Variants in SVOPL observed in about 807,000 individuals in gnomAD.
SVOPL encodes putative transporter SVOPL.
SVOPL carries 60 observed loss-of-function variants against 61.0 expected under a neutral mutation model. The observed-to-expected ratio is 0.98, with a 90% CI of 0.80 to 1.22. The LOEUF is 1.22. SVOPL is among the 50% of genes most tolerant of loss of function. The pLI, the probability that SVOPL is intolerant of heterozygous loss-of-function variation, is 0.00. For synonymous variants in SVOPL, 279 were observed against 250.0 expected (o/e 1.12, Z -1.09); for missense variants, 662 against 643.9 (o/e 1.03, Z -0.30).
In SVOPL at chr7:138,693,545, GAAAGAAA is replaced by G. The variant is rs1464366828; in HGVS notation, c.-35+7626_-35+7632del. On this transcript the variant is annotated intron_variant, in intron 1 of 15. Coordinates refer to ENST00000674285, the MANE Select transcript of SVOPL (RefSeq NM_001139456.2). Reference sequence around the variant, plus strand: ...AAAGAAAGAAAAAGAAAGAAAGAAAGAAAGAAAGAAAGAAAGAAAGAAAGAAAGAAAA... The same window carrying G: ...AAAGAAAGAAAAAGAAAGAAAGAAAGGAAAGAAAGAAAGAAAGAAAGAAAA... Among the ~76,000 whole-genome samples, 591 of 62,618 alleles carry G rather than the reference GAAAGAAA, an allele frequency of 9.4e-3. 6 individuals carry two copies. The highest frequency in any genetic ancestry group is 0.039 in the African/African-American group (557 of 14,194). The allele number at this position is 62,618 out of a possible 152,430, so 41.1% of individuals were successfully genotyped here.
intron 1 of SVOPL, among the ~76,000 whole-genome samples, chr7:138,679,678 C>G (rs954734899): frequency 2.0e-5 from 3 of 152,042 alleles, no homozygotes; most frequent in Non-Finnish European, 2.9e-5. Flanking sequence ...TAATGGCACC[C>G]AACTTTCAAG....
At chr7:138,609,281 G>A (rs79548760) in intron 14 of SVOPL, among the ~76,000 whole-genome samples, 2,766 of 152,138 alleles carry the variant, frequency 0.018, 90 homozygotes, top group African/African-American at 0.062. Flanking sequence ...AAATGAAAGC[G>A]AGCAGACCCC....
rs534808479 is a variant in SVOPL, at chr7:138,613,200, A to T, written c.1353+7846T>A. ...ACGCCTGGCTAATTTTTGTATTTTT[A>T]GTAGAGATGGGGTTTCACCATGTTG... is the stretch of plus-strand genomic sequence containing the variant. On this transcript the variant is annotated intron_variant, in intron 14 of 15. Coordinates refer to ENST00000674285, the MANE Select transcript of SVOPL (RefSeq NM_001139456.2). Among the ~76,000 whole-genome samples, 343 of 151,660 alleles carry T rather than the reference A, an allele frequency of 2.3e-3. 3 individuals are homozygous for T. The highest frequency in any genetic ancestry group is 8.2e-3 in the African/African-American group (339 of 41,344).
intron 8 of SVOPL, among the ~76,000 whole-genome samples, chr7:138,647,653 AG>A (rs1801185787): frequency 6.6e-6 from 1 of 151,970 alleles, no homozygotes; most frequent in South Asian, 2.1e-4. Flanking sequence ...GTTCAAGACC[AG>A]CCTGGCCAAC....
intron 13 of SVOPL, among the ~76,000 whole-genome samples, chr7:138,625,354 G>A (rs1799845983): frequency 6.6e-6 from 1 of 152,076 alleles, no homozygotes; most frequent in South Asian, 2.1e-4. Context: ...AGTATCTAAA[G>A]TACTGTTTCC....
At chr7:138,647,407 A>G (rs897623547) in intron 8 of SVOPL, among the ~76,000 whole-genome samples, 11 of 151,956 alleles carry the variant, frequency 7.2e-5, no homozygotes, top group Non-Finnish European at 2.9e-5. Flanking sequence ...AAAAAAGATG[A>G]CATGGCGAGA....
At chr7:138,626,742 A>T in intron 12 of SVOPL, among the ~76,000 whole-genome samples, 1 of 151,920 alleles carries the variant, frequency 6.6e-6, no homozygotes, top group Non-Finnish European at 1.5e-5. Context: ...GCTATTCAAG[A>T]GGCTGAGGCA....
At chr7:138,611,831 G>T (rs1245509140) in intron 14 of SVOPL, among the ~76,000 whole-genome samples, 1 of 60,048 alleles carries the variant, frequency 1.7e-5, no homozygotes, top group Non-Finnish European at 3.4e-5. Context: ...CCAGCCGCCT[G>T]CCTTGGCCTC....
At chr7:138,636,972 GTCATA>G (rs1301880226) in intron 9 of SVOPL, among the ~76,000 whole-genome samples, 1 of 152,026 alleles carries the variant, frequency 6.6e-6, no homozygotes. Context: ...TTAAAACAGT[GTCATA>G]TCATACCAAT....
intron 5 of SVOPL, chr7:138,662,345 T>C: frequency 1.0e-6 from 1 of 985,402 alleles, no homozygotes; most frequent in Non-Finnish European, 1.2e-6. Context: ...TTGTGGCCAG[T>C]TCCTGCTAGT....
chr7:138,662,418 C>CT, intron 5 of SVOPL: 2 of 985,446 alleles, frequency 2.0e-6, no homozygotes, highest in Non-Finnish European at 1.2e-6. Flanking sequence ...GACTTGCTCC[C>CT]TCCCAACCTA....
At chr7:138,634,702 C>A (rs1044500680) in intron 9 of SVOPL, among the ~76,000 whole-genome samples, 2 of 131,000 alleles carry the variant, frequency 1.5e-5, no homozygotes, top group Non-Finnish European at 3.3e-5. Flanking sequence ...GTGGCACATG[C>A]CTGCAATTCC....
chr7:138,639,165 G>T (rs1045109038), intron 9 of SVOPL, among the ~76,000 whole-genome samples: 4 of 152,174 alleles, frequency 2.6e-5, no homozygotes, highest in Non-Finnish European at 5.9e-5. Flanking sequence ...TGAGGCAGGA[G>T]AATTGCTTGA....
At chr7:138,596,750 C>T in intron 14 of SVOPL, 1 of 1,197,294 alleles carries the variant, frequency 8.4e-7, no homozygotes, top group Non-Finnish European at 1.0e-6. Flanking sequence ...CACGCATTGG[C>T]CAGGTAAGAC....
At chr7:138,684,648 T>C (rs914769277) in intron 1 of SVOPL, among the ~76,000 whole-genome samples, 1 of 152,180 alleles carries the variant, frequency 6.6e-6, no homozygotes, top group Non-Finnish European at 1.5e-5. Context: ...AAGGAACCCT[T>C]GTACACTGTT....
At chr7:138,629,256 A>C (rs536497011) in intron 10 of SVOPL, among the ~76,000 whole-genome samples, 1 of 144,712 alleles carries the variant, frequency 6.9e-6, no homozygotes, top group African/African-American at 2.6e-5. Flanking sequence ...TTTTTGAGAC[A>C]GTTTCATGCT....
intron 1 of SVOPL, among the ~76,000 whole-genome samples, chr7:138,686,354 C>T (rs531336391): frequency 4.9e-5 from 7 of 144,150 alleles, no homozygotes; most frequent in African/African-American, 1.0e-4. Flanking sequence ...TGCAGTTAGC[C>T]GAGATCGTGC....
At chr7:138,635,813 AT>A (rs1416184700) in intron 9 of SVOPL, among the ~76,000 whole-genome samples, 1 of 152,198 alleles carries the variant, frequency 6.6e-6, no homozygotes, top group Non-Finnish European at 1.5e-5. Context: ...CCATTTAGCA[AT>A]CAAGAAATTG....
chr7:138,632,599 A>C (rs1563105066), intron 9 of SVOPL, among the ~76,000 whole-genome samples: 1 of 151,350 alleles, frequency 6.6e-6, no homozygotes, highest in Non-Finnish European at 1.5e-5. Context: ...GTGGAGGGAG[A>C]GGTGAGGTAG....
Sources: gnomAD v4.1 joint callset for allele counts (sites outside exome capture counted in the v4.1 genomes callset) on GRCh38, gnomAD v4.1.1 for gene constraint, MANE v1.5 for transcripts, NCBI Gene and HGNC (gene_info 2026-07-23, HGNC 2026-07-21) for gene names.